The following ESRRG variants were observed in gnomAD, a reference collection of about 807,000 sequenced individuals.
ESRRG encodes estrogen-related receptor gamma.
In ESRRG, 13 loss-of-function variants were observed where a neutral mutation model predicts 44.0. That is an observed-to-expected ratio of 0.30 (90% confidence interval 0.19 to 0.47). The LOEUF (loss-of-function observed/expected upper bound fraction) is 0.47, where lower values mean the gene tolerates loss of function less well. Among genes scored for constraint, ESRRG ranks in the 20% least tolerant of loss-of-function variants. The probability of loss-of-function intolerance (pLI) is 1.00; values close to 1 mark genes in which losing one functional copy is unlikely to be tolerated. For synonymous variants in ESRRG, 215 were observed against 214.6 expected, an observed-to-expected ratio of 1.00 and a Z score of -0.02; for missense variants, 395 against 580.6, an observed-to-expected ratio of 0.68 and a Z score of 3.29.
At chr1:217,060,421 A>G (rs996938067) in intron 1 of ESRRG, among the ~76,000 whole-genome samples, 1 of 152,124 alleles carries the variant, frequency 6.6e-6, no homozygotes, top group African/African-American at 2.4e-5. Context: ...AAAAGATTTC[A>G]TGAGTCCAGC....
intron 2 of ESRRG, among the ~76,000 whole-genome samples, chr1:216,651,313 G>T (rs2068882831): frequency 6.6e-6 from 1 of 152,140 alleles, no homozygotes; most frequent in African/African-American, 2.4e-5. Flanking sequence ...TTCAAAAGAT[G>T]AAGTTTAAAA....
intron 2 of ESRRG, among the ~76,000 whole-genome samples, chr1:216,735,965 A>T (rs973693925): frequency 3.5e-5 from 4 of 115,270 alleles, no homozygotes; most frequent in African/African-American, 1.3e-4. Flanking sequence ...GCGACAGAGC[A>T]ATACTCCCCA....
chr1:216,886,880 T>C (rs1027338588), intron 2 of ESRRG, among the ~76,000 whole-genome samples: 1 of 152,014 alleles, frequency 6.6e-6, no homozygotes, highest in African/African-American at 2.4e-5. Flanking sequence ...TGTAACACCA[T>C]GCCTGGCTAT....
intron 1 of ESRRG, among the ~76,000 whole-genome samples, chr1:217,120,524 C>T (rs2092805095): frequency 6.6e-6 from 1 of 151,984 alleles, no homozygotes; most frequent in African/African-American, 2.4e-5. Context: ...CATCTCATTC[C>T]CCTTAGAACA....
At chr1:216,915,925 T>C (rs2061105538) in intron 2 of ESRRG, among the ~76,000 whole-genome samples, 3 of 152,136 alleles carry the variant, frequency 2.0e-5, no homozygotes. Context: ...ACATCCAAAC[T>C]CTAGGAGATC....
At chr1:216,932,385 A>C (rs2063485531) in intron 2 of ESRRG, among the ~76,000 whole-genome samples, 1 of 152,248 alleles carries the variant, frequency 6.6e-6, no homozygotes, top group Non-Finnish European at 1.5e-5. Context: ...ATGACCAATA[A>C]AATTGTAAAA....
intron 1 of ESRRG, among the ~76,000 whole-genome samples, chr1:216,992,041 T>G (rs559084646): frequency 7.2e-5 from 11 of 152,256 alleles, no homozygotes; most frequent in African/African-American, 2.2e-4. Flanking sequence ...AATAGGGGGT[T>G]GCCAAGTTGA....
intron 2 of ESRRG, among the ~76,000 whole-genome samples, chr1:216,798,129 C>A (rs1025456085): frequency 2.6e-5 from 4 of 152,034 alleles, no homozygotes; most frequent in Admixed American, 2.6e-4. Flanking sequence ...TCCATCTTTC[C>A]TTCTTTCTTT....
intron 1 of ESRRG, among the ~76,000 whole-genome samples, chr1:217,130,296 G>T (rs948132101): frequency 1.3e-5 from 2 of 152,146 alleles, no homozygotes; most frequent in Admixed American, 1.3e-4. Flanking sequence ...GCAGCAGTGG[G>T]ATCCTAGCTC....
At chr1:216,953,587 T>C (rs964067576) in intron 1 of ESRRG, among the ~76,000 whole-genome samples, 3 of 152,076 alleles carry the variant, frequency 2.0e-5, no homozygotes, top group Non-Finnish European at 4.4e-5. Flanking sequence ...CTCTTGGCCC[T>C]GCTTGCTTTC....
chr1:216,974,045 T>C (rs138846455), intron 1 of ESRRG, among the ~76,000 whole-genome samples: 3 of 152,288 alleles, frequency 2.0e-5, no homozygotes, highest in Admixed American at 2.0e-4. Context: ...GGTGTAACTT[T>C]TGAGCTTACA....
chr1:216,661,646 G>C (rs781466418), intron 2 of ESRRG, among the ~76,000 whole-genome samples: 8 of 152,112 alleles, frequency 5.3e-5, no homozygotes, highest in Non-Finnish European at 1.2e-4. Flanking sequence ...TACTTCTTGA[G>C]ATTTCCCTTC....
intron 2 of ESRRG, among the ~76,000 whole-genome samples, chr1:216,921,837 A>T (rs1243134678): frequency 6.6e-6 from 1 of 152,244 alleles, no homozygotes; most frequent in Non-Finnish European, 1.5e-5. Flanking sequence ...AGAACCTGGT[A>T]CTTGGGATCA....
chr1:216,760,945 G>A (rs1478502645), intron 2 of ESRRG, among the ~76,000 whole-genome samples: 5 of 152,032 alleles, frequency 3.3e-5, no homozygotes, highest in Admixed American at 3.3e-4. Flanking sequence ...GCAAAGACAG[G>A]TGGACATTCC....
intron 3 of ESRRG, among the ~76,000 whole-genome samples, chr1:216,625,047 ACT>A (rs1343370035): frequency 1.3e-5 from 2 of 151,772 alleles, no homozygotes; most frequent in South Asian, 2.1e-4. Flanking sequence ...TTCATAACAG[ACT>A]CTGTCAGATT....
intron 2 of ESRRG, among the ~76,000 whole-genome samples, chr1:216,761,780 A>T (rs1454166468): frequency 6.6e-6 from 1 of 152,126 alleles, no homozygotes; most frequent in East Asian, 1.9e-4. Flanking sequence ...GATATGGCTC[A>T]TTTACAAGTC....
At chr1:216,794,870 TA>T (rs2094432583) in intron 2 of ESRRG, among the ~76,000 whole-genome samples, 1 of 152,184 alleles carries the variant, frequency 6.6e-6, no homozygotes, top group Non-Finnish European at 1.5e-5. Context: ...TGAACCAGGA[TA>T]ATCTCTAGCC....
chr1:216,660,855 G>A (rs2072157468), intron 2 of ESRRG, among the ~76,000 whole-genome samples: 1 of 152,132 alleles, frequency 6.6e-6, no homozygotes, highest in African/African-American at 2.4e-5. Flanking sequence ...TATGGTTGGT[G>A]GCTGGTTTAA....
intron 2 of ESRRG, among the ~76,000 whole-genome samples, chr1:216,838,937 G>T (rs1305305235): frequency 1.3e-5 from 2 of 152,144 alleles, no homozygotes; most frequent in Non-Finnish European, 2.9e-5. Flanking sequence ...AGTGGTGGTT[G>T]CTGAAGGCTG....
Sources: gnomAD v4.1 joint callset for allele counts (sites outside exome capture counted in the v4.1 genomes callset) on GRCh38, gnomAD v4.1.1 for gene constraint, MANE v1.5 for transcripts, NCBI Gene and HGNC (gene_info 2026-07-23, HGNC 2026-07-21) for gene names.